The following SERINC5 variants were observed in gnomAD, a reference collection of about 807,000 sequenced individuals.
The protein encoded by SERINC5 is chromosome 5 open reading frame 12.
SERINC5 carries 41 observed loss-of-function variants against 63.1 expected under a neutral mutation model. The ratio of observed to expected loss-of-function variants is 0.65; its 90% CI spans 0.51 to 0.84. The LOEUF (loss-of-function observed/expected upper bound fraction) is 0.84. SERINC5 is among the 40% of genes least tolerant of loss of function. The pLI is 0.00. For missense variants in SERINC5, 523 were observed against 573.0 expected (o/e 0.91, Z 0.89); for synonymous variants, 222 against 215.2 (o/e 1.03, Z -0.28).
At chr5:80,146,749 C>T (rs1299260710) in intron 10 of SERINC5, among the ~76,000 whole-genome samples, 1 of 152,188 alleles carries the variant, frequency 6.6e-6, no homozygotes, top group African/African-American at 2.4e-5. Flanking sequence ...AGCCACCGTG[C>T]CTGCCCTGCC....
intron 4 of SERINC5, among the ~76,000 whole-genome samples, chr5:80,175,290 G>A (rs1001261412): frequency 6.6e-6 from 1 of 152,150 alleles, no homozygotes; most frequent in African/African-American, 2.4e-5. Context: ...AACACAGGCA[G>A]TCTGACCCTG....
intron 11 of SERINC5, among the ~76,000 whole-genome samples, chr5:80,130,521 C>T (rs781744163): frequency 2.0e-5 from 3 of 152,168 alleles, no homozygotes; most frequent in African/African-American, 7.2e-5. Flanking sequence ...TACATCTTCC[C>T]GGTTTGTCGT....
chr5:80,127,417 C>T (rs1021937431), intron 11 of SERINC5, among the ~76,000 whole-genome samples: 1 of 152,182 alleles, frequency 6.6e-6, no homozygotes, highest in Admixed American at 6.5e-5. Context: ...GGATGGAAAA[C>T]TTAGAGCAAA....
intron 3 of SERINC5, 147 bp downstream of exon 3, chr5:80,177,739 G>T (rs561005877): frequency 3.0e-6 from 2 of 669,836 alleles, no homozygotes; most frequent in Non-Finnish European, 2.5e-6. Context: ...AACCATGTGG[G>T]TAAGTATCAA....
At chr5:80,204,548 G>C (rs950847528) in intron 1 of SERINC5, among the ~76,000 whole-genome samples, 1 of 152,120 alleles carries the variant, frequency 6.6e-6, no homozygotes, top group Non-Finnish European at 1.5e-5. Flanking sequence ...AGCTTTCATC[G>C]GAATTGTTCT....
At chr5:80,242,854 C>G (rs1752007450) in intron 1 of SERINC5, among the ~76,000 whole-genome samples, 1 of 152,168 alleles carries the variant, frequency 6.6e-6, no homozygotes, top group African/African-American at 2.4e-5. Context: ...ACTTGGGAGA[C>G]AGTGGTTGCA....
At chr5:80,241,741 G>A (rs1422116170) in intron 1 of SERINC5, among the ~76,000 whole-genome samples, 2 of 151,992 alleles carry the variant, frequency 1.3e-5, no homozygotes, top group Non-Finnish European at 2.9e-5. Context: ...AAGGGGAAAT[G>A]AAATGGAAAC....
chr5:80,137,152 AAAAAAAAAAAAC>A (rs1174902002), downstream of SERINC5, among the ~76,000 whole-genome samples: 202 of 142,070 alleles, frequency 1.4e-3, 1 homozygote, highest in African/African-American at 3.2e-3. Context: ...AAAAAAAAAA[AAAAAAAAAAAAC>A]AAAAAAAACA....
intron 1 of SERINC5, among the ~76,000 whole-genome samples, chr5:80,206,044 G>A (rs944655185): frequency 1.3e-5 from 2 of 149,996 alleles, no homozygotes; most frequent in Non-Finnish European, 3.0e-5. Context: ...GTACTACATG[G>A]TGTCTTGGAT....
intron 1 of SERINC5, among the ~76,000 whole-genome samples, chr5:80,224,935 GTTTTTT>G (rs764594236): frequency 0.2 from 16,407 of 81,650 alleles, 1,042 homozygotes; most frequent in Middle Eastern, 0.28. Flanking sequence ...TTTTTTTTTT[GTTTTTT>G]TTTGTTTTTT....
In SERINC5 at chr5:80,140,003, T is replaced by C; in HGVS notation, c.*3660A>G. 4 of 985,300 alleles carry C rather than the reference T, an allele frequency of 4.1e-6. No homozygotes were observed. The highest frequency in any genetic ancestry group is 4.8e-6 in the Non-Finnish European group (4 of 829,920). 61.0% of individuals were successfully genotyped at this position (985,300 alleles called of 1,614,324 possible). On this transcript the variant is annotated 3_prime_UTR_variant, in exon 12 of 12. Coordinates refer to ENST00000507668, the MANE Select transcript of SERINC5 (RefSeq NM_001174072.3). Reference sequence around the variant, plus strand: ...TCGCAGGAAGGTGAAGCACCAATGATGGCAAAAATTAAATAAATACATCAT... The same window carrying C: ...TCGCAGGAAGGTGAAGCACCAATGACGGCAAAAATTAAATAAATACATCAT...
At chr5:80,206,831 A>G (rs28682890) in intron 1 of SERINC5, among the ~76,000 whole-genome samples, 40,333 of 91,016 alleles carry the variant, frequency 0.44, 6,646 homozygotes, top group East Asian at 0.6. Flanking sequence ...TTTTTTTTTT[A>G]AGAGACAGAG....
intron 1 of SERINC5, among the ~76,000 whole-genome samples, chr5:80,236,525 A>G (rs903811367): frequency 6.6e-6 from 1 of 151,224 alleles, no homozygotes; most frequent in Non-Finnish European, 1.5e-5. Flanking sequence ...TAAGTCCTAA[A>G]TCTTTTTTTT....
At chr5:80,156,109 T>G (rs950873043) in intron 8 of SERINC5, among the ~76,000 whole-genome samples, 3 of 151,930 alleles carry the variant, frequency 2.0e-5, no homozygotes, top group Admixed American at 6.6e-5. Context: ...TTTACAAGAG[T>G]GGACCCCAGG....
At chr5:80,206,255 CA>C (rs1750158781) in intron 1 of SERINC5, among the ~76,000 whole-genome samples, 1 of 152,210 alleles carries the variant, frequency 6.6e-6, no homozygotes, top group African/African-American at 2.4e-5. Context: ...GGCTTCAAAA[CA>C]AGCATCAATT....
In SERINC5 at chr5:80,177,514, C is replaced by T. The variant is rs577449285; in HGVS notation, c.375-117G>A. 6.2e-6 allele frequency: 5 copies of T among 804,074 alleles called. No individual in the cohort carries two copies. In the East Asian group the frequency reaches 1.3e-4, roughly 21 times the overall value. The allele number at this position is 804,074 out of a possible 1,614,324, so 49.8% of individuals were successfully genotyped here. A position where few individuals can be genotyped will look rare whatever the true frequency, so the allele number is the denominator to read the frequency against. On this transcript the variant is annotated intron_variant, in intron 3 of 11. Transcript: ENST00000507668. ...TGATTCTGCCATTGGCCAATGTTCT[C>T]TCCTAATCAAGGGGAAGTAACTAGG...
intron 2 of SERINC5, among the ~76,000 whole-genome samples, chr5:80,182,087 G>C (rs1159836570): frequency 6.6e-6 from 1 of 152,208 alleles, no homozygotes; most frequent in East Asian, 1.9e-4. Flanking sequence ...GCAGAGGCTG[G>C]AACCTGTGTG....
At chr5:80,167,516 T>C (rs1397747518) in intron 6 of SERINC5, among the ~76,000 whole-genome samples, 1 of 152,212 alleles carries the variant, frequency 6.6e-6, no homozygotes, top group African/African-American at 2.4e-5. Context: ...GGTGATTCCA[T>C]ATCTTTGCTA....
intron 2 of SERINC5, 99 bp from the exon 3 acceptor site, chr5:80,178,163 T>C (rs1748166532): frequency 4.6e-6 from 3 of 651,910 alleles, no homozygotes; most frequent in African/African-American, 1.8e-5. Context: ...ACTGTGGAAA[T>C]GGATCGTGTG....
Sources: allele counts gnomAD v4.1 joint callset (sites outside exome capture counted in the v4.1 genomes callset), GRCh38; gene constraint gnomAD v4.1.1; transcripts MANE v1.5; gene names NCBI Gene and HGNC (gene_info 2026-07-23, HGNC 2026-07-21).